The following KIF18A variants were observed in gnomAD, a reference collection of about 807,000 sequenced individuals.
The protein encoded by KIF18A is kinesin-like protein KIF18A.
KIF18A carries 67 observed loss-of-function variants against 103.3 expected under a neutral mutation model. That is an observed-to-expected ratio of 0.65 (90% confidence interval 0.53 to 0.79). KIF18A has a LOEUF of 0.79. Ranked by LOEUF, KIF18A falls within the 30% of genes least tolerant of loss-of-function variation. The pLI, the probability that KIF18A is intolerant of heterozygous loss-of-function variation, is 0.00. For missense variants in KIF18A, 1,032 were observed against 1,062.5 expected (o/e 0.97, Z 0.40); for synonymous variants, 367 against 355.5 (o/e 1.03, Z -0.36).
chr11:28,077,598 C>T (rs924437276), intron 9 of KIF18A, among the ~76,000 whole-genome samples: 11 of 152,144 alleles, frequency 7.2e-5, no homozygotes, highest in Non-Finnish European at 1.2e-4. Flanking sequence ...TGTGTTGTTA[C>T]GGTGTTGGCT....
intron 12 of KIF18A, among the ~76,000 whole-genome samples, chr11:28,059,577 G>C (rs1300665856): frequency 6.6e-6 from 1 of 152,032 alleles, no homozygotes; most frequent in Non-Finnish European, 1.5e-5. Flanking sequence ...GACCACAGAT[G>C]TGTGCCACTA....
At chr11:28,040,372 TG>T (rs1405007882) in intron 13 of KIF18A, among the ~76,000 whole-genome samples, 1 of 151,730 alleles carries the variant, frequency 6.6e-6, no homozygotes, top group African/African-American at 2.4e-5. Context: ...AGAGCAGGCA[TG>T]GGACAGTTGT....
At chr11:28,049,965 CA>C (rs1590677250) in intron 13 of KIF18A, among the ~76,000 whole-genome samples, 1 of 151,748 alleles carries the variant, frequency 6.6e-6, no homozygotes, top group East Asian at 1.9e-4. Flanking sequence ...AACTAATAAA[CA>C]TTTTATAATA....
chr11:28,096,534 T>C (rs1851376179), intron 2 of KIF18A, among the ~76,000 whole-genome samples: 1 of 152,184 alleles, frequency 6.6e-6, no homozygotes, highest in Non-Finnish European at 1.5e-5. Flanking sequence ...AGTAGTTTGA[T>C]AGAGAGTCTA....
chr11:28,066,208 T>G (rs912710659), intron 11 of KIF18A, among the ~76,000 whole-genome samples: 3 of 152,050 alleles, frequency 2.0e-5, no homozygotes, highest in African/African-American at 7.2e-5. Context: ...AGTCTCCAAA[T>G]AAACTATTAA....
At position 28,075,756 on chromosome 11, in the gene KIF18A, T is replaced by C. The variant is rs1209370564; in HGVS notation, c.1425+1251A>G. Among the ~76,000 whole-genome samples the C allele has an allele frequency of 3.3e-5, 5 of 152,260 alleles. No homozygotes were observed. In the East Asian group the frequency reaches 7.7e-4, roughly 24 times the overall value. On this transcript the variant is annotated intron_variant, in intron 10 of 16. Coordinates refer to ENST00000263181, the MANE Select transcript of KIF18A (RefSeq NM_031217.4). ...ATTTATTAGTGGCTAGAGTTGAGAA[T>C]CTGTTTCTCTTAAGAGGCTGATTTT...
intron 7 of KIF18A, 117 bp downstream of exon 7, chr11:28,084,515 C>A: frequency 1.3e-6 from 1 of 763,956 alleles, no homozygotes; most frequent in Non-Finnish European, 2.0e-6. Context: ...ACCCTTCTAA[C>A]CCTCAGCTGC....
At chr11:28,083,000 AAAG>A in intron 8 of KIF18A, 32 bp from the exon 9 acceptor site, 1 of 1,488,494 alleles carries the variant, frequency 6.7e-7, no homozygotes. Context: ...TTAAAATACA[AAAG>A]AAGTCATTTA....
At chr11:28,090,942 T>TA (rs1316210200) in intron 4 of KIF18A, among the ~76,000 whole-genome samples, 1 of 152,108 alleles carries the variant, frequency 6.6e-6, no homozygotes, top group Non-Finnish European at 1.5e-5. Flanking sequence ...GAGTGGAGTC[T>TA]ATTGAGTAGA....
intron 1 of KIF18A, among the ~76,000 whole-genome samples, chr11:28,104,241 C>T (rs983432276): frequency 6.6e-6 from 1 of 152,146 alleles, no homozygotes; most frequent in Non-Finnish European, 1.5e-5. Context: ...CATTTACCTG[C>T]TCCAAACTAT....
At chr11:28,024,191 T>TAAAA (rs60587483) in intron 15 of KIF18A, among the ~76,000 whole-genome samples, 12,167 of 110,444 alleles carry the variant, frequency 0.11, 811 homozygotes, top group Non-Finnish European at 0.17. Context: ...CACAAGAGGT[T>TAAAA]AAAAAAAAAA....
intron 15 of KIF18A, among the ~76,000 whole-genome samples, chr11:28,030,621 G>T (rs1334867214): frequency 1.3e-5 from 2 of 152,084 alleles, no homozygotes; most frequent in Non-Finnish European, 2.9e-5. Flanking sequence ...ATAGGCATGG[G>T]TAAGGACTTC....
chr11:28,035,518 A>C lies in KIF18A; in HGVS notation c.2397-24T>G, dbSNP rs149675220. On this transcript the variant is annotated intron_variant, in intron 14 of 16. Transcript: ENST00000263181. ...GCCTGTATATTAATAGTGACAAATA[A>C]AAAATAATAATTTTGATTTGAACTA... is the stretch of plus-strand genomic sequence containing the variant. The C allele has an allele frequency of 1.3e-4, 173 of 1,342,082 alleles. No homozygotes were observed. In the African/African-American group the frequency reaches 2.2e-3, roughly 17 times the overall value. 83.1% of individuals were successfully genotyped at this position (1,342,082 alleles called of 1,614,324 possible).
chr11:28,103,914 C>A (rs1245568297), intron 1 of KIF18A, among the ~76,000 whole-genome samples: 1 of 152,124 alleles, frequency 6.6e-6, no homozygotes, highest in African/African-American at 2.4e-5. Context: ...TTATTTTCAT[C>A]ATTAAGTGTG....
intron 15 of KIF18A, among the ~76,000 whole-genome samples, chr11:28,025,013 A>G (rs1850297382): frequency 6.6e-6 from 1 of 152,070 alleles, no homozygotes. Context: ...TAACAATAAT[A>G]ATAAAATAGA....
At chr11:28,106,844 G>A (rs111536665) in intron 1 of KIF18A, among the ~76,000 whole-genome samples, 1 of 151,998 alleles carries the variant, frequency 6.6e-6, no homozygotes, top group Admixed American at 6.6e-5. Flanking sequence ...GGTGGCAAAC[G>A]CCTGTAATCC....
chr11:28,043,249 G>T (rs1850584196), intron 13 of KIF18A, among the ~76,000 whole-genome samples: 1 of 151,890 alleles, frequency 6.6e-6, no homozygotes. Context: ...ACATGGATGA[G>T]ATACTCTTGG....
At chr11:28,039,805 T>C (rs1304808323) in intron 13 of KIF18A, among the ~76,000 whole-genome samples, 1 of 151,766 alleles carries the variant, frequency 6.6e-6, no homozygotes, top group African/African-American at 2.4e-5. Context: ...TGGTAGTTAA[T>C]GTGGATTTAC....
Position 28,059,177 on chromosome 11 carries a change from G to C in KIF18A, c.1713-16C>G. ...ATTCAATACTCTATATACAGAAGAT[G>C]AGAAGAAAGGAGAGATAAATATGAC... is the stretch of plus-strand genomic sequence containing the variant. On this transcript the variant is annotated splice_polypyrimidine_tract_variant and intron_variant, in intron 12 of 16. Transcript: ENST00000263181. The C allele has an allele frequency of 6.6e-7, 1 of 1,508,692 alleles. No homozygotes were observed. The highest frequency in any genetic ancestry group is 2.3e-5 in the East Asian group (1 of 44,314). 93.5% of individuals were successfully genotyped at this position (1,508,692 alleles called of 1,614,324 possible). A position where few individuals can be genotyped will look rare whatever the true frequency, so the allele number is the denominator to read the frequency against.
Sources: gnomAD v4.1 joint callset for allele counts (sites outside exome capture counted in the v4.1 genomes callset) on GRCh38, gnomAD v4.1.1 for gene constraint, MANE v1.5 for transcripts, NCBI Gene and HGNC (gene_info 2026-07-23, HGNC 2026-07-21) for gene names.